The following TENM4 variants were observed in gnomAD, a reference collection of about 807,000 sequenced individuals.
TENM4 encodes teneurin-4.
TENM4 carries 82 observed loss-of-function variants against 243.3 expected under a neutral mutation model. The observed-to-expected ratio is 0.34, with a 90% CI of 0.28 to 0.40. TENM4 has a LOEUF of 0.40. Ranked by LOEUF, TENM4 falls within the 10% of genes least tolerant of loss-of-function variation. The pLI is 1.00. For synonymous variants in TENM4, 1,412 were observed against 1,456.3 expected, an observed-to-expected ratio of 0.97 and a Z score of 0.69; for missense variants, 3,138 against 3,673.3, an observed-to-expected ratio of 0.85 and a Z score of 3.77.
chr11:79,101,991 C>T (rs972795780), intron 4 of TENM4, among the ~76,000 whole-genome samples: 5 of 152,142 alleles, frequency 3.3e-5, no homozygotes, highest in African/African-American at 1.2e-4. Context: ...GAGTTTGAGT[C>T]CTAGCAACAC....
intron 1 of TENM4, among the ~76,000 whole-genome samples, chr11:79,321,029 C>A (rs1041680780): frequency 6.6e-6 from 1 of 152,194 alleles, no homozygotes; most frequent in Non-Finnish European, 1.5e-5. Flanking sequence ...AAGAGATGTG[C>A]ATTTATCCTA....
intron 1 of TENM4, among the ~76,000 whole-genome samples, chr11:79,350,004 C>G (rs1857388679): frequency 6.6e-6 from 1 of 152,148 alleles, no homozygotes; most frequent in African/African-American, 2.4e-5. Flanking sequence ...TCACATTGCC[C>G]ACCTACTATC....
intron 6 of TENM4, among the ~76,000 whole-genome samples, chr11:78,966,758 A>G (rs571991417): frequency 7.6e-4 from 115 of 152,156 alleles, no homozygotes; most frequent in Non-Finnish European, 1.5e-3. Context: ...GGTCTTCAGC[A>G]ATCTGTCTCC....
intron 3 of TENM4, among the ~76,000 whole-genome samples, chr11:79,171,230 T>C (rs1257712193): frequency 6.6e-6 from 1 of 152,180 alleles, no homozygotes; most frequent in African/African-American, 2.4e-5. Flanking sequence ...TCTACAAATG[T>C]CCTTCTCCAA....
chr11:79,059,525 T>C (rs1860033623), intron 6 of TENM4, among the ~76,000 whole-genome samples: 1 of 152,228 alleles, frequency 6.6e-6, no homozygotes, highest in Admixed American at 6.5e-5. Context: ...ACAAATGCTG[T>C]AGTACAGGCT....
intron 15 of TENM4, among the ~76,000 whole-genome samples, chr11:78,790,040 T>A (rs1857020307): frequency 6.6e-6 from 1 of 152,224 alleles, no homozygotes; most frequent in Non-Finnish European, 1.5e-5. Context: ...TACTAATTCA[T>A]GTATTCTTCT....
intron 6 of TENM4, among the ~76,000 whole-genome samples, chr11:78,912,257 C>A (rs1428859330): frequency 2.0e-5 from 3 of 152,132 alleles, no homozygotes; most frequent in Non-Finnish European, 4.4e-5. Context: ...AAAGAGGGCT[C>A]ACCCCGACTT....
At chr11:78,979,713 A>G (rs529125490) in intron 6 of TENM4, among the ~76,000 whole-genome samples, 2 of 151,958 alleles carry the variant, frequency 1.3e-5, no homozygotes, top group African/African-American at 4.8e-5. Flanking sequence ...TTGGGAGCAG[A>G]GATAGGGATG....
chr11:79,333,541 T>C (rs1590886983), intron 1 of TENM4, among the ~76,000 whole-genome samples: 4 of 152,296 alleles, frequency 2.6e-5, no homozygotes, highest in Admixed American at 2.6e-4. Flanking sequence ...CATCCCTAAC[T>C]TAGGGCTCTC....
chr11:79,289,517 A>G (rs923106539), intron 2 of TENM4, among the ~76,000 whole-genome samples: 6 of 152,254 alleles, frequency 3.9e-5, no homozygotes, highest in African/African-American at 9.6e-5. Flanking sequence ...CTTTGGCTCA[A>G]TGTGAGACAT....
At chr11:78,800,751 G>C (rs1230533790) in intron 15 of TENM4, among the ~76,000 whole-genome samples, 2 of 151,966 alleles carry the variant, frequency 1.3e-5, no homozygotes, top group African/African-American at 2.4e-5. Context: ...GAGAGAGAGA[G>C]AGAGAGAGAG....
chr11:79,270,070 G>A (rs1427574354), intron 2 of TENM4, among the ~76,000 whole-genome samples: 2 of 152,054 alleles, frequency 1.3e-5, no homozygotes, highest in Admixed American at 6.5e-5. Flanking sequence ...CTCAGTGATT[G>A]CTGGATTTGT....
chr11:78,951,381 C>T (rs976952246), intron 6 of TENM4, among the ~76,000 whole-genome samples: 1 of 152,170 alleles, frequency 6.6e-6, no homozygotes, highest in Admixed American at 6.5e-5. Context: ...ACTTCCAGAC[C>T]CCACAATTAG....
At chr11:79,202,735 C>G (rs902681647) in intron 3 of TENM4, among the ~76,000 whole-genome samples, 1 of 152,172 alleles carries the variant, frequency 6.6e-6, no homozygotes, top group Non-Finnish European at 1.5e-5. Context: ...AAGAGCAGTG[C>G]TCTGGGCTTT....
At chr11:79,096,547 C>G (rs1380169152) in intron 4 of TENM4, 1 of 135,352 alleles carries the variant, frequency 7.4e-6, no homozygotes, top group Non-Finnish European at 1.6e-5. Context: ...CAGCAATTCT[C>G]CCCTTCCCCT....
chr11:78,757,353 T>C (rs1468922650), intron 18 of TENM4, among the ~76,000 whole-genome samples: 2 of 152,222 alleles, frequency 1.3e-5, no homozygotes, highest in Non-Finnish European at 2.9e-5. Context: ...CAAATGCTGA[T>C]GGCCAGAAGG....
chr11:79,311,844 C>T (rs189924762), intron 1 of TENM4, among the ~76,000 whole-genome samples: 6 of 152,320 alleles, frequency 3.9e-5, no homozygotes, highest in Non-Finnish European at 8.8e-5. Flanking sequence ...TGAAACATTG[C>T]CCTGCAACTT....
chr11:79,108,824 G>T (rs1404608694), intron 4 of TENM4, among the ~76,000 whole-genome samples: 1 of 152,158 alleles, frequency 6.6e-6, no homozygotes, highest in Non-Finnish European at 1.5e-5. Context: ...TGGAAACGGT[G>T]GAAAATTTAG....
intron 6 of TENM4, among the ~76,000 whole-genome samples, chr11:78,996,521 A>G (rs1858175889): frequency 3.9e-5 from 6 of 152,228 alleles, no homozygotes; most frequent in Admixed American, 2.6e-4. Flanking sequence ...TATGAAAAAT[A>G]ACACATGGTT....
Sources: allele counts gnomAD v4.1 joint callset (sites outside exome capture counted in the v4.1 genomes callset), GRCh38; gene constraint gnomAD v4.1.1; transcripts MANE v1.5; gene names NCBI Gene and HGNC (gene_info 2026-07-23, HGNC 2026-07-21).